The following SERINC4 variants were observed in gnomAD, a reference collection of about 807,000 sequenced individuals.
The protein encoded by SERINC4 is serine incorporator 4.
In SERINC4, 52 loss-of-function variants were observed where a neutral mutation model predicts 52.0. The observed-to-expected ratio is 1.00, with a 90% CI of 0.80 to 1.26. The LOEUF is 1.26. SERINC4 is among the 50% of genes most tolerant of loss of function. SERINC4 has a pLI of 0.00. For synonymous variants in SERINC4, 264 were observed against 247.7 expected, an observed-to-expected ratio of 1.07 and a Z score of -0.62; for missense variants, 723 against 632.8, an observed-to-expected ratio of 1.14 and a Z score of -1.53.
At chr15:43,796,811 T>G in intron 7 of SERINC4, 34 bp downstream of exon 7, 1 of 1,613,104 alleles carries the variant, frequency 6.2e-7, no homozygotes, top group Non-Finnish European at 8.5e-7. Flanking sequence ...CAAAAAAAGG[T>G]CTTAGCATGG....
At position 43,800,010 on chromosome 15, in the gene SERINC4, G is replaced by A. The variant is rs2087288698; in HGVS notation, c.-24C>T. 2.0e-6 allele frequency: 3 copies of A among 1,480,302 alleles called. No homozygotes were observed. Among genetic ancestry groups the A allele is most frequent in the Admixed American group, 2.4e-5 (1 of 40,910 alleles). 91.7% of individuals were successfully genotyped at this position (1,480,302 alleles called of 1,614,324 possible). On this transcript the variant is annotated 5_prime_UTR_variant, in exon 1 of 12. Transcript: ENST00000319327. ...ATCCTTGTCCCAGGGATTAGGCTTA[G>A]GTCCACCAGATGGAAGGCAGATGAG...
In SERINC4 at chr15:43,797,186, C is replaced by T; in HGVS notation, c.803G>A (p.Gly268Asp). ...MLLSLHLCFCGLISFLSIAPC... is the reference protein window; with the variant it reads ...MLLSLHLCFCDLISFLSIAPC... Reference sequence around the variant, plus strand: ...AGCGATGGAGAGGAAGGAGATGAGGCCACAGAAGCAAAGGTGCAGACTGAG... The same window carrying T: ...AGCGATGGAGAGGAAGGAGATGAGGTCACAGAAGCAAAGGTGCAGACTGAG... The change falls in exon 6 of 12, where the codon GGC becomes GAC. Residue 268 changes from glycine (G) to aspartate (D), a missense_variant. Coordinates refer to ENST00000319327, the MANE Select transcript of SERINC4 (RefSeq NM_001258031.2). 1 of 1,551,094 alleles carries T rather than the reference C, an allele frequency of 6.4e-7. No homozygotes were observed. The highest frequency in any genetic ancestry group is 1.4e-5 in the African/African-American group (1 of 73,154).
rs2087213576 is a variant in SERINC4, at chr15:43,796,256, TTTAG to T, written c.1068-33_1068-30del. ...AGAAAGAATAGAGTTCTTAAGCTGG[TTTAG>T]TTAAATAGGGATTATCTGGGGGCAT... On this transcript the variant is annotated intron_variant, in intron 8 of 11. Coordinates refer to ENST00000319327, the MANE Select transcript of SERINC4 (RefSeq NM_001258031.2). 9 of 1,563,898 alleles carry T rather than the reference TTTAG, an allele frequency of 5.8e-6. No individual in the cohort carries two copies. In the East Asian group the frequency reaches 6.7e-5, roughly 12 times the overall value.
At chr15:43,799,237 C>G (rs955521725) in intron 2 of SERINC4, 73 bp downstream of exon 2, 11 of 1,516,216 alleles carry the variant, frequency 7.3e-6, no homozygotes, top group Middle Eastern at 4.1e-4. Flanking sequence ...CTGCCCCCAA[C>G]CGAAACCTTT....
rs919669117 is a variant in SERINC4, at chr15:43,795,081, G to A, written c.1476C>T (p.Pro492=). Residue 492 remains proline (P), a synonymous_variant, in exon 12 of 12, where the codon CCC becomes CCT. Coordinates refer to ENST00000319327, the MANE Select transcript of SERINC4 (RefSeq NM_001258031.2). The part of the protein sequence containing the change: ...GLLLAPLCWP[P]TQKPQPLILR... ...AGATAAGGGGCTGGGGTTTCTGGGT[G>A]GGGGGCCAACAGAGTGGTGCCAGTA... 6.2e-7 allele frequency: 1 copy of A among 1,613,502 alleles called. No homozygotes were observed. The highest frequency in any genetic ancestry group is 1.3e-5 in the African/African-American group (1 of 74,894).
rs2087290930 is a variant in SERINC4, at chr15:43,800,185, A to AG, written c.-200dup. On this transcript the variant is annotated 5_prime_UTR_variant, in exon 1 of 12. Coordinates refer to ENST00000319327, the MANE Select transcript of SERINC4 (RefSeq NM_001258031.2). ...TGCCCTGTGAAGGAGCTTTGTCCTT[A>AG]GGGCCTCAACACTGCGGCCACTCAG... 5.1e-6 allele frequency: 3 copies of AG among 590,400 alleles called. No homozygotes were observed. The highest frequency in any genetic ancestry group is 9.0e-6 in the Non-Finnish European group (3 of 333,910). 36.6% of individuals were successfully genotyped at this position (590,400 alleles called of 1,614,324 possible).
At chr15:43,796,032 G>T (rs895530593) in intron 9 of SERINC4, 123 bp downstream of exon 9, 1 of 759,234 alleles carries the variant, frequency 1.3e-6, no homozygotes, top group Non-Finnish European at 2.3e-6. Context: ...GCACATTGTG[G>T]GTACTCAATA....
intron 11 of SERINC4, 67 bp downstream of exon 11, chr15:43,795,321 C>T: frequency 6.2e-7 from 1 of 1,603,770 alleles, no homozygotes; most frequent in Non-Finnish European, 8.5e-7. Flanking sequence ...CTGGAATGGC[C>T]TTGAATTGCT....
chr15:43,798,635 C>T (rs1242515138), intron 3 of SERINC4, 131 bp from the exon 4 acceptor site: 10 of 708,154 alleles, frequency 1.4e-5, no homozygotes, highest in East Asian at 1.3e-4. Context: ...TAAGGAGGAA[C>T]CAATCCCAAA....
Position 43,798,025 on chromosome 15 carries a change from G to T in SERINC4, c.539-12C>A, listed in dbSNP as rs776093060. The T allele has an allele frequency of 1.3e-6, 2 of 1,587,824 alleles. No homozygotes were observed. Among genetic ancestry groups the T allele is most frequent in the Non-Finnish European group, 8.6e-7 (1 of 1,161,308 alleles). On this transcript the variant is annotated splice_polypyrimidine_tract_variant and intron_variant, in intron 4 of 11. Coordinates refer to ENST00000319327, the MANE Select transcript of SERINC4 (RefSeq NM_001258031.2). ...AATGTAATGCCATGCTGCAAGATGG[G>T]CACCAGTGGAAAAATGTCAAATTGT...
At position 43,795,544 on chromosome 15, in the gene SERINC4, G is replaced by T. The variant is rs1555458450; in HGVS notation, c.1190-3C>A. On this transcript the variant is annotated splice_polypyrimidine_tract_variant and splice_region_variant and intron_variant, in intron 10 of 11. Transcript: ENST00000319327. ...CCTCGCAGCCCCACCCCTTTGCCCT[G>T]GAGAGAGGAAATGGCTGCTGGGAGC... is the stretch of plus-strand genomic sequence containing the variant. The T allele has an allele frequency of 1.2e-6, 2 of 1,614,106 alleles. No homozygotes were observed. Among genetic ancestry groups the T allele is most frequent in the Non-Finnish European group, 8.5e-7 (1 of 1,180,008 alleles).
chr15:43,798,983 C>G lies in SERINC4; in HGVS notation c.434G>C (p.Ser145Thr). Reference sequence around the variant, plus strand: ...CCTATTATGCAGCTGTGCCCGCGGGCTGGTGGGGGAGTGGAGGTGGACCAG... The same window carrying G: ...CCTATTATGCAGCTGTGCCCGCGGGGTGGTGGGGGAGTGGAGGTGGACCAG... Reference protein sequence around the residue: ...VLLVHLHSPTSPRAQLHNSFW... With the variant: ...VLLVHLHSPTTPRAQLHNSFW... Residue 145 changes from serine to threonine, a missense_variant, in exon 3 of 12, where the codon AGC (serine) becomes ACC (threonine). Physicochemically the swap from Ser to Thr is moderately conservative, Grantham distance 58. Coordinates refer to ENST00000319327, the MANE Select transcript of SERINC4 (RefSeq NM_001258031.2). 6.4e-7 allele frequency: 1 copy of G among 1,550,516 alleles called. No homozygotes were observed. Among genetic ancestry groups the G allele is most frequent in the East Asian group, 2.4e-5 (1 of 40,920 alleles).
Position 43,796,149 on chromosome 15 carries a change from CCT to C in SERINC4, c.1140+4_1140+5del. ...GTGTTGGGGATATGGAGCTCTTTAT[CCT>C]CACCTGAAACTCATAGCTGTAAACC... is the stretch of plus-strand genomic sequence containing the variant. On this transcript the variant is annotated splice_donor_5th_base_variant and intron_variant, in intron 9 of 11. Transcript: ENST00000319327. The C allele has an allele frequency of 6.2e-7, 1 of 1,609,064 alleles. No individual in the cohort carries two copies. The highest frequency in any genetic ancestry group is 8.5e-7 in the Non-Finnish European group (1 of 1,175,462).
chr15:43,795,480 T>C lies in SERINC4; in HGVS notation c.1251A>G (p.Gln417=), dbSNP rs2087189305. The C allele has an allele frequency of 2.5e-6, 4 of 1,614,180 alleles. No homozygotes were observed. Among genetic ancestry groups the C allele is most frequent in the African/African-American group, 1.3e-5 (1 of 75,060 alleles). The change falls in exon 11 of 12, where the codon CAA becomes CAG. Residue 417 remains glutamine, a synonymous_variant. Coordinates refer to ENST00000319327, the MANE Select transcript of SERINC4 (RefSeq NM_001258031.2). ...AATAGTTGTAGGAAAGATGCTGGAC[T>C]TGGACTGGAGGAGCTGGAGGGGTTT... ...DQETPPAPPV[Q]VQHLSYNYSA...
rs754731664 is a variant in SERINC4, at chr15:43,795,747, G to A, written c.1141-11C>T. The A allele has an allele frequency of 6.2e-7, 1 of 1,613,062 alleles. No homozygotes were observed. The highest frequency in any genetic ancestry group is 2.2e-5 in the East Asian group (1 of 44,876). On this transcript the variant is annotated splice_polypyrimidine_tract_variant and intron_variant, in intron 9 of 11. Coordinates refer to ENST00000319327, the MANE Select transcript of SERINC4 (RefSeq NM_001258031.2). ...ACACAGTGAGGGCTTCTGCAAAACA[G>A]AACGCAGGTTTTGGAATGGTCTTAA...
chr15:43,797,394 CAT>C, intron 5 of SERINC4, 38 bp from the exon 6 acceptor site: 1 of 1,401,870 alleles, frequency 7.1e-7, no homozygotes, highest in Admixed American at 2.2e-5. Context: ...GGAGCTCCAG[CAT>C]TTTTTTTTTT....
At position 43,800,137 on chromosome 15, in the gene SERINC4, C is replaced by T. The variant is rs1341022891; in HGVS notation, c.-151G>A. ...GAGACGTCCGGAAGAGAACACTGAC[C>T]TCCAGGTTGCGGTAAATGCAAATGC... On this transcript the variant is annotated 5_prime_UTR_variant, in exon 1 of 12. Transcript: ENST00000319327. 16 of 617,264 alleles carry T rather than the reference C, an allele frequency of 2.6e-5. No homozygotes were observed. Among genetic ancestry groups the T allele is most frequent in the African/African-American group, 1.7e-4 (9 of 54,166 alleles). 38.2% of individuals were successfully genotyped at this position (617,264 alleles called of 1,614,324 possible).
In SERINC4 at chr15:43,797,191, G is replaced by A. The variant is rs1421625753; in HGVS notation, c.798C>T (p.Phe266=). The change falls in exon 6 of 12, where the codon TTC becomes TTT. Residue 266 remains phenylalanine (F), a synonymous_variant. Coordinates refer to ENST00000319327, the MANE Select transcript of SERINC4 (RefSeq NM_001258031.2). The stretch of plus-strand genomic sequence containing the variant: ...TGGAGAGGAAGGAGATGAGGCCACA[G>A]AAGCAAAGGTGCAGACTGAGGAGCA... ...NKMLLSLHLC[F]CGLISFLSIA... is the part of the protein sequence containing the mutation. The A allele has an allele frequency of 1.3e-6, 2 of 1,550,976 alleles. No homozygotes were observed. The highest frequency in any genetic ancestry group is 1.7e-6 in the Non-Finnish European group (2 of 1,147,046).
chr15:43,799,123 C>T lies in SERINC4; in HGVS notation c.294G>A (p.Ser98=), dbSNP rs1427013714. ...GGCCAAACAGGTGGGCACACAACCCCGAGGGCATCTGGATCTGGGAGTGTG... is the reference window on the plus strand; with the variant it reads ...GGCCAAACAGGTGGGCACACAACCCTGAGGGCATCTGGATCTGGGAGTGTG... The part of the protein sequence containing the change: ...WGKTHRIQMP[S]GLCAHLFGLS... Residue 98 remains serine (S), a synonymous_variant, in exon 3 of 12, where the codon TCG becomes TCA. Coordinates refer to ENST00000319327, the MANE Select transcript of SERINC4 (RefSeq NM_001258031.2). 3 of 1,549,172 alleles carry T rather than the reference C, an allele frequency of 1.9e-6. No homozygotes were observed. The highest frequency in any genetic ancestry group is 1.4e-5 in the African/African-American group (1 of 72,984).
Sources: allele counts gnomAD v4.1 joint callset, GRCh38; gene constraint gnomAD v4.1.1; transcripts MANE v1.5; gene names NCBI Gene and HGNC (gene_info 2026-07-23, HGNC 2026-07-21).